TASOR: variants seen among roughly 807,000 people sequenced by gnomAD.
TASOR encodes the protein transcription activation suppressor, also known as protein TASOR.
Under a neutral mutation model 178.6 loss-of-function variants are expected in TASOR, and 53 were observed. That is an observed-to-expected ratio of 0.30 (90% CI 0.24 to 0.37). The LOEUF (loss-of-function observed/expected upper bound fraction) is 0.37. Among genes scored for constraint, TASOR ranks in the 10% least tolerant of loss-of-function variants. The pLI, the probability that TASOR is intolerant of heterozygous loss-of-function variation, is 1.00. For synonymous variants in TASOR, 713 were observed against 696.2 expected, an observed-to-expected ratio of 1.02 and a Z score of -0.38; for missense variants, 1,815 against 1,971.4, an observed-to-expected ratio of 0.92 and a Z score of 1.50.
intron 1 of TASOR, among the ~76,000 whole-genome samples, chr3:56,679,765 C>G (rs2031631121): frequency 6.6e-6 from 1 of 152,148 alleles, no homozygotes; most frequent in South Asian, 2.1e-4. Context: ...TTTTAATTTA[C>G]TTTTTATGAC....
intron 21 of TASOR, 130 bp downstream of exon 21, chr3:56,626,907 C>T (rs2076811821): frequency 3.4e-6 from 2 of 589,812 alleles, no homozygotes; most frequent in Admixed American, 6.1e-5. Context: ...AGTATCTATA[C>T]TCAATTATGG....
chr3:56,661,231 C>A (rs903900736), intron 9 of TASOR, among the ~76,000 whole-genome samples: 2 of 152,194 alleles, frequency 1.3e-5, no homozygotes, highest in Non-Finnish European at 2.9e-5. Flanking sequence ...ACTGCAGCTT[C>A]AACCTCCTAG....
chr3:56,682,364 T>C (rs1341961636), intron 1 of TASOR, among the ~76,000 whole-genome samples: 2 of 150,210 alleles, frequency 1.3e-5, no homozygotes, highest in Admixed American at 6.6e-5. Flanking sequence ...ACGGCTTCTC[T>C]GCTTTCAGGG....
At chr3:56,666,227 C>A in intron 7 of TASOR, 33 bp downstream of exon 7, 1 of 1,500,682 alleles carries the variant, frequency 6.7e-7, no homozygotes, top group South Asian at 1.4e-5. Flanking sequence ...AGAATTATCA[C>A]TGCGGATGAT....
At position 56,622,080 on chromosome 3, in the gene TASOR, C is replaced by CTCCT. The variant is rs1261411451; in HGVS notation, c.*953_*956dup. 8 of 152,190 alleles carry CTCCT rather than the reference C, an allele frequency of 5.3e-5. No individual in the cohort carries two copies. The highest frequency in any genetic ancestry group is 1.0e-4 in the Non-Finnish European group (7 of 68,028). 9.4% of individuals were successfully genotyped at this position (152,190 alleles called of 1,614,324 possible). On this transcript the variant is annotated 3_prime_UTR_variant, in exon 24 of 24. Coordinates refer to ENST00000683822, the MANE Select transcript of TASOR (RefSeq NM_001365635.2). Reference sequence around the variant, plus strand: ...TGAAATAACACAAATTCAGTTTAGGCTCCTTCTCTAAATCCTGACATTTAT... The same window carrying CTCCT: ...TGAAATAACACAAATTCAGTTTAGGCTCCTTCCTTCTCTAAATCCTGACATTTAT...
chr3:56,670,902 T>G (rs2030626234), intron 3 of TASOR, among the ~76,000 whole-genome samples: 1 of 126,522 alleles, frequency 7.9e-6, no homozygotes, highest in Non-Finnish European at 1.5e-5. Context: ...GATCACACCA[T>G]TTAACTCCAG....
intron 7 of TASOR, 155 bp from the exon 8 acceptor site, chr3:56,663,727 T>C (rs2077648206): frequency 1.9e-6 from 2 of 1,063,950 alleles, no homozygotes; most frequent in South Asian, 3.9e-5. Flanking sequence ...TTACAAAGTC[T>C]AGTAAATCCA....
At chr3:56,666,207 G>T in intron 7 of TASOR, 53 bp downstream of exon 7, 1 of 1,413,244 alleles carries the variant, frequency 7.1e-7, no homozygotes. Context: ...AGTAGTACAG[G>T]ATCTGTAGTA....
At chr3:56,668,627 G>T in intron 5 of TASOR, 69 bp from the exon 6 acceptor site, 2 of 1,098,964 alleles carry the variant, frequency 1.8e-6, no homozygotes, top group South Asian at 1.7e-5. Flanking sequence ...TTAATATTAT[G>T]AAATACTTCT....
chr3:56,661,039 A>G, intron 9 of TASOR, 22 bp from the exon 10 acceptor site: 2 of 1,507,134 alleles, frequency 1.3e-6, no homozygotes, highest in Non-Finnish European at 1.8e-6. Flanking sequence ...TTTTAAAAAC[A>G]TGTTTGCCTT....
At chr3:56,636,955 C>T (rs144920752) in intron 17 of TASOR, among the ~76,000 whole-genome samples, 7,414 of 151,888 alleles carry the variant, frequency 0.049, 270 homozygotes, top group South Asian at 0.16. Flanking sequence ...GGGCAGATCA[C>T]GAGGTCAAGA....
chr3:56,665,649 G>A (rs2077693286), intron 7 of TASOR, among the ~76,000 whole-genome samples: 1 of 152,018 alleles, frequency 6.6e-6, no homozygotes, highest in African/African-American at 2.4e-5. Context: ...ATGAGCCACT[G>A]CGCCTGGCCA....
chr3:56,669,928 T>C, intron 4 of TASOR, 137 bp from the exon 5 acceptor site: 2 of 871,498 alleles, frequency 2.3e-6, no homozygotes, highest in East Asian at 2.7e-5. Context: ...AAACTGATCT[T>C]ACATTTCAGA....
chr3:56,674,720 T>C (rs966148549), intron 1 of TASOR, among the ~76,000 whole-genome samples: 1 of 152,144 alleles, frequency 6.6e-6, no homozygotes, highest in South Asian at 2.1e-4. Context: ...CTCTCATATG[T>C]AAAATGGCAA....
chr3:56,651,013 C>CA (rs1474345440), intron 11 of TASOR, among the ~76,000 whole-genome samples: 1 of 152,174 alleles, frequency 6.6e-6, no homozygotes, highest in Admixed American at 6.5e-5. Context: ...TTTAACCTCT[C>CA]ACTCACTCCA....
At chr3:56,659,450 A>G (rs1047436110) in intron 11 of TASOR, among the ~76,000 whole-genome samples, 5 of 152,056 alleles carry the variant, frequency 3.3e-5, no homozygotes, top group Non-Finnish European at 7.4e-5. Flanking sequence ...TCACTTCTCA[A>G]CCCACCACAA....
At position 56,666,552 on chromosome 3, in the gene TASOR, T is replaced by C. The variant is rs1051781935; in HGVS notation, c.898-168A>G. 4.6e-5 allele frequency among the ~76,000 whole-genome samples: 7 copies of C among 152,340 alleles called. 1 individual carries two copies. The highest frequency in any genetic ancestry group is 1.3e-4 in the Admixed American group (2 of 15,296). ...TAAAATAATTAGTACTTTGTATTCA[T>C]TTTGTGATATAAAATATTCTGCATC... On this transcript the variant is annotated intron_variant, in intron 6 of 23. Coordinates refer to ENST00000683822, the MANE Select transcript of TASOR (RefSeq NM_001365635.2).
In TASOR at chr3:56,682,946, C is replaced by T; in HGVS notation, c.61G>A (p.Gly21Ser). 1 of 1,549,918 alleles carries T rather than the reference C, an allele frequency of 6.5e-7. No homozygotes were observed. The change falls in exon 1 of 24, where the codon GGC (glycine) becomes AGC (serine). Residue 21 changes from glycine to serine, a missense_variant. This residue lies in a region of TASOR where 244 missense variants were observed against 202.7 expected (regional missense o/e 1.20). Coordinates refer to ENST00000683822, the MANE Select transcript of TASOR (RefSeq NM_001365635.2). ...QPTDASWESG[G>S]GGDDEMKQAL... ...TGCTTCATCTCGTCGTCTCCGCCGCCGCCACTTTCCCAACTCGCATCCGTC... is the reference window on the plus strand; with the variant it reads ...TGCTTCATCTCGTCGTCTCCGCCGCTGCCACTTTCCCAACTCGCATCCGTC...
chr3:56,668,640 G>C (rs2030317374), intron 5 of TASOR, 82 bp from the exon 6 acceptor site: 2 of 1,021,856 alleles, frequency 2.0e-6, no homozygotes, highest in Non-Finnish European at 2.8e-6. Context: ...ATACTTCTTT[G>C]AATATAGATC....
Sources: gnomAD v4.1 joint callset for allele counts (sites outside exome capture counted in the v4.1 genomes callset) on GRCh38, gnomAD v4.1.1 for gene constraint, gnomAD v4.1.1 regional missense constraint, MANE v1.5 for transcripts, NCBI Gene and HGNC (gene_info 2026-07-23, HGNC 2026-07-21) for gene names.